Variants in KCNQ4 observed in about 807,000 individuals in gnomAD.
KCNQ4 encodes potassium voltage-gated channel subfamily KQT member 4.
KCNQ4 carries 31 observed loss-of-function variants against 72.6 expected under a neutral mutation model. The ratio of observed to expected loss-of-function variants is 0.43; its 90% CI spans 0.32 to 0.58. KCNQ4 has a LOEUF of 0.58. Among genes scored for constraint, KCNQ4 ranks in the 20% least tolerant of loss-of-function variants. The pLI, the probability that KCNQ4 is intolerant of heterozygous loss-of-function variation, is 0.08. For missense variants in KCNQ4, 869 were observed against 962.6 expected, an observed-to-expected ratio of 0.90 and a Z score of 1.29; for synonymous variants, 405 against 403.7, an observed-to-expected ratio of 1.00 and a Z score of -0.04.
At chr1:40,796,032 G>A (rs1049612885) in intron 1 of KCNQ4, among the ~76,000 whole-genome samples, 1 of 152,206 alleles carries the variant, frequency 6.6e-6, no homozygotes, top group African/African-American at 2.4e-5. Context: ...TTGTCACACA[G>A]CCAGGAAGTG....
chr1:40,805,139 T>G (rs936646010), intron 1 of KCNQ4: 1 of 148,300 alleles, frequency 6.7e-6, no homozygotes, highest in African/African-American at 2.4e-5. Flanking sequence ...AGACCCCATC[T>G]CTTAAAAATA....
rs200799512 is a variant in KCNQ4 at position 40,820,299 on chromosome 1, G to A, written c.1041+39G>A. On this transcript the variant is annotated intron_variant, in intron 7 of 13. Coordinates refer to ENST00000347132, the MANE Select transcript of KCNQ4 (RefSeq NM_004700.4). ...GGGAAGAAGCCCTAGGAGCAGGGCCGTGTGACTGCACTGGTGTGTCAACCC... is the reference window on the plus strand; with the variant it reads ...GGGAAGAAGCCCTAGGAGCAGGGCCATGTGACTGCACTGGTGTGTCAACCC... The A allele has an allele frequency of 8.5e-5, 127 of 1,497,862 alleles. No homozygotes were observed. The Admixed American group carries it at 1.7e-3, about 20-fold the overall frequency. 92.8% of individuals were successfully genotyped at this position (1,497,862 alleles called of 1,614,324 possible). A position where few individuals can be genotyped will look rare whatever the true frequency, so the allele number is the denominator to read the frequency against.
At chr1:40,834,605 A>G (rs1383193095) in intron 11 of KCNQ4, among the ~76,000 whole-genome samples, 1 of 151,726 alleles carries the variant, frequency 6.6e-6, no homozygotes, top group Non-Finnish European at 1.5e-5. Flanking sequence ...TTAAAAAAAA[A>G]AAAAACAGAG....
intron 1 of KCNQ4, among the ~76,000 whole-genome samples, chr1:40,806,676 A>G (rs184415611): frequency 2.9e-4 from 41 of 140,280 alleles, no homozygotes; most frequent in African/African-American, 1.1e-3. Flanking sequence ...TTCTGGAGGT[A>G]GAGGACAGAT....
chr1:40,811,479 T>C (rs144573061), intron 1 of KCNQ4, among the ~76,000 whole-genome samples: 140 of 152,344 alleles, frequency 9.2e-4, no homozygotes, highest in African/African-American at 3.3e-3. Context: ...TCAAACTTAC[T>C]GAATCAGACA....
intron 1 of KCNQ4, among the ~76,000 whole-genome samples, chr1:40,815,009 A>T (rs1474046335): frequency 6.6e-6 from 1 of 152,136 alleles, no homozygotes; most frequent in African/African-American, 2.4e-5. Flanking sequence ...TGGGAGGCCG[A>T]GGCAGGTGGA....
At chr1:40,820,061 G>A (rs1570832544) in intron 6 of KCNQ4, 76 bp downstream of exon 6, 1 of 1,535,250 alleles carries the variant, frequency 6.5e-7, no homozygotes. Context: ...ATTTGCCTGG[G>A]GAGCCTGGGG....
intron 1 of KCNQ4, among the ~76,000 whole-genome samples, chr1:40,793,872 A>G (rs1254516768): frequency 1.3e-5 from 2 of 151,950 alleles, no homozygotes; most frequent in Non-Finnish European, 2.9e-5. Context: ...CCCAGGCTCA[A>G]CTGAGGGCCC....
chr1:40,789,833 A>G (rs1647245680), intron 1 of KCNQ4, among the ~76,000 whole-genome samples: 1 of 152,232 alleles, frequency 6.6e-6, no homozygotes, highest in Non-Finnish European at 1.5e-5. Flanking sequence ...AGCCAGTCAA[A>G]GGAGCTGGAA....
rs1002975131 is a variant in KCNQ4 at position 40,837,849 on chromosome 1, C to T, written c.1875+55C>T. Reference sequence around the variant, plus strand: ...CCATACCAAGAAGCTCTGGGGGCCGCGGTGACATGGGGAGGATGCGTTTCC... The same window carrying T: ...CCATACCAAGAAGCTCTGGGGGCCGTGGTGACATGGGGAGGATGCGTTTCC... On this transcript the variant is annotated intron_variant, in intron 13 of 13. Transcript: ENST00000347132. 14 of 1,570,496 alleles carry T rather than the reference C, an allele frequency of 8.9e-6. No individual in the cohort carries two copies. In the African/African-American group the frequency reaches 1.6e-4, roughly 18 times the overall value.
In KCNQ4 at chr1:40,824,200, T is replaced by A. The variant is rs773106573; in HGVS notation, c.1234T>A (p.Tyr412Asn). 11 of 1,597,422 alleles carry A rather than the reference T, an allele frequency of 6.9e-6. No individual in the cohort carries two copies. The Admixed American group carries it at 1.7e-4, about 25-fold the overall frequency. Residue 412 changes from tyrosine to asparagine, a missense_variant, in exon 9 of 14, where the codon TAC becomes AAC. This residue lies in a region of KCNQ4 where 480 missense variants were observed against 501.9 expected (regional missense o/e 0.96). Coordinates refer to ENST00000347132, the MANE Select transcript of KCNQ4 (RefSeq NM_004700.4). ...GGTACCCGACGGAGCACCCTCCCGT[T>A]ACCCGCCCGTTGCCACCTGCCACCG... ...APVPDGAPSR[Y>N]PPVATCHRPG... is the part of the protein sequence containing the mutation.
chr1:40,827,439 G>T (rs1370973499), intron 9 of KCNQ4, among the ~76,000 whole-genome samples: 1 of 152,188 alleles, frequency 6.6e-6, no homozygotes, highest in Non-Finnish European at 1.5e-5. Flanking sequence ...GGAGCACAGT[G>T]TGGGGAAAAA....
At chr1:40,824,658 G>A (rs1406226393) in intron 9 of KCNQ4, among the ~76,000 whole-genome samples, 4 of 152,150 alleles carry the variant, frequency 2.6e-5, no homozygotes, top group Non-Finnish European at 5.9e-5. Context: ...TCAGGTAATC[G>A]TGGGCACCAT....
intron 4 of KCNQ4, chr1:40,819,112 A>C: frequency 2.3e-6 from 1 of 433,852 alleles, no homozygotes. Context: ...TGGAACCTGG[A>C]GACTCAAGGC....
rs1170668900 is a variant in KCNQ4 at position 40,784,121 on chromosome 1, G to C, written c.28G>C (p.Gly10Arg). Residue 10 changes from glycine (G) to arginine (R), a missense_variant, in exon 1 of 14, where the codon GGC becomes CGC. This residue lies in a region of KCNQ4 where 178 missense variants were observed against 145.3 expected (regional missense o/e 1.22). Coordinates refer to ENST00000347132, the MANE Select transcript of KCNQ4 (RefSeq NM_004700.4). This position sits in a 1 kb window ranked among gnomAD's most constrained non-coding sequence, Gnocchi z 4.1. ...GGCCGAGGCCCCCCCGCGCCGCCTC[G>C]GCCTGGGTCCCCCGCCCGGGGACGC... MAEAPPRRLGLGPPPGDAPR... is the reference protein window; with the variant it reads MAEAPPRRLRLGPPPGDAPR... 1.2e-6 allele frequency: 1 copy of C among 858,386 alleles called. No homozygotes were observed. Among genetic ancestry groups the C allele is most frequent in the Non-Finnish European group, 1.4e-6 (1 of 707,396 alleles). 53.2% of individuals were successfully genotyped at this position (858,386 alleles called of 1,614,324 possible). A position where few individuals can be genotyped will look rare whatever the true frequency, so the allele number is the denominator to read the frequency against.
chr1:40,837,537 G>A (rs1220566857), intron 12 of KCNQ4, 128 bp from the exon 13 acceptor site: 4 of 1,225,936 alleles, frequency 3.3e-6, no homozygotes, highest in African/African-American at 1.5e-5. Flanking sequence ...ATCTGGCAGG[G>A]CAATGGCCCC....
At chr1:40,786,395 C>T (rs868801017) in intron 1 of KCNQ4, among the ~76,000 whole-genome samples, 41 of 152,210 alleles carry the variant, frequency 2.7e-4, no homozygotes, top group African/African-American at 8.0e-4. Context: ...CCCTTCCTCT[C>T]CAGGAGCTAA....
intron 1 of KCNQ4, among the ~76,000 whole-genome samples, chr1:40,798,197 G>A (rs1355090935): frequency 6.6e-6 from 1 of 152,148 alleles, no homozygotes; most frequent in African/African-American, 2.4e-5. Flanking sequence ...ACTCAGGTCA[G>A]CAGTAGAGCC....
At chr1:40,826,505 G>A in intron 9 of KCNQ4, 4 of 381,998 alleles carry the variant, frequency 1.0e-5, no homozygotes, top group South Asian at 7.4e-5. Context: ...GATGGGGCTG[G>A]AGGATGATTT....
Sources: allele counts gnomAD v4.1 joint callset (sites outside exome capture counted in the v4.1 genomes callset), GRCh38; gene constraint gnomAD v4.1.1; regional missense constraint gnomAD v4.1.1; non-coding constraint Gnocchi (gnomAD v3.1); transcripts MANE v1.5; gene names NCBI Gene and HGNC (gene_info 2026-07-23, HGNC 2026-07-21).